The following FCHSD2 variants were observed in gnomAD, a reference collection of about 807,000 sequenced individuals.
The protein encoded by FCHSD2 is F-BAR and double SH3 domains protein 2.
Under a neutral mutation model 108.1 loss-of-function variants are expected in FCHSD2, and 38 were observed. The ratio of observed to expected loss-of-function variants is 0.35; its 90% CI spans 0.27 to 0.46. The LOEUF is 0.46. Among genes scored for constraint, FCHSD2 ranks in the 20% least tolerant of loss-of-function variants. The pLI is 1.00. For synonymous variants in FCHSD2, 279 were observed against 314.7 expected, an observed-to-expected ratio of 0.89 and a Z score of 1.20; for missense variants, 751 against 897.8, an observed-to-expected ratio of 0.84 and a Z score of 2.09.
chr11:72,931,033 C>T (rs1856178799), intron 8 of FCHSD2, among the ~76,000 whole-genome samples: 1 of 151,344 alleles, frequency 6.6e-6, no homozygotes, highest in Admixed American at 6.6e-5. Flanking sequence ...TGTATCAAAA[C>T]ATCTCATGTG....
Position 73,142,150 on chromosome 11 carries a change from A to C in FCHSD2, c.-273T>G. 2 of 267,580 alleles carry C rather than the reference A, an allele frequency of 7.5e-6. No individual in the cohort carries two copies. Among genetic ancestry groups the C allele is most frequent in the Admixed American group, 5.5e-5 (1 of 18,220 alleles). The allele number at this position is 267,580 out of a possible 1,614,324, so 16.6% of individuals were successfully genotyped here. A position where few individuals can be genotyped will look rare whatever the true frequency, so the allele number is the denominator to read the frequency against. On this transcript the variant is annotated 5_prime_UTR_variant, in exon 1 of 20. Coordinates refer to ENST00000409418, the MANE Select transcript of FCHSD2 (RefSeq NM_014824.3). ...GGGGTGTGTGAGGAAGGAGGCGGAGACGGCGAGGGGGCGGGGGCCCCAGGA... is the reference window on the plus strand; with the variant it reads ...GGGGTGTGTGAGGAAGGAGGCGGAGCCGGCGAGGGGGCGGGGGCCCCAGGA...
chr11:73,019,664 G>C (rs1292095528), intron 3 of FCHSD2, among the ~76,000 whole-genome samples: 1 of 152,142 alleles, frequency 6.6e-6, no homozygotes, highest in Non-Finnish European at 1.5e-5. Context: ...CATGACTTCT[G>C]TGTACTCCAT....
chr11:73,067,218 G>A (rs1859316653), intron 3 of FCHSD2, among the ~76,000 whole-genome samples: 1 of 152,096 alleles, frequency 6.6e-6, no homozygotes, highest in Non-Finnish European at 1.5e-5. Flanking sequence ...ATCATTCTCA[G>A]CAAACTATCA....
intron 10 of FCHSD2, among the ~76,000 whole-genome samples, chr11:72,897,053 C>T (rs894540459): frequency 1.3e-5 from 2 of 151,988 alleles, no homozygotes; most frequent in African/African-American, 4.8e-5. Flanking sequence ...GTCTCAATCT[C>T]CTGACCTCAT....
At chr11:72,920,259 A>T (rs1281459877) in intron 9 of FCHSD2, among the ~76,000 whole-genome samples, 1 of 152,248 alleles carries the variant, frequency 6.6e-6, no homozygotes, top group Admixed American at 6.5e-5. Flanking sequence ...CACACACAAT[A>T]TTAAAAACAA....
chr11:73,100,863 ATT>A (rs560641392), intron 2 of FCHSD2, among the ~76,000 whole-genome samples: 2 of 144,030 alleles, frequency 1.4e-5, no homozygotes, highest in Admixed American at 7.0e-5. Flanking sequence ...TCTACGTGGG[ATT>A]TTTTTTTTTT....
chr11:72,904,381 A>G (rs1855586858), intron 9 of FCHSD2, among the ~76,000 whole-genome samples: 1 of 152,166 alleles, frequency 6.6e-6, no homozygotes, highest in Non-Finnish European at 1.5e-5. Flanking sequence ...GGAGATTTCA[A>G]CCTTTTAAAA....
At chr11:73,016,300 C>T (rs1249963654) in intron 3 of FCHSD2, among the ~76,000 whole-genome samples, 1 of 143,518 alleles carries the variant, frequency 7.0e-6, no homozygotes, top group Non-Finnish European at 1.5e-5. Context: ...GAGGCTCTGT[C>T]TCAAAAAAAA....
intron 2 of FCHSD2, among the ~76,000 whole-genome samples, chr11:73,120,035 G>A (rs1014963845): frequency 6.6e-6 from 1 of 152,054 alleles, no homozygotes; most frequent in Non-Finnish European, 1.5e-5. Flanking sequence ...AAGAGGGAAT[G>A]AGGAAGATGC....
chr11:73,080,403 T>C (rs1481777264), intron 3 of FCHSD2, among the ~76,000 whole-genome samples: 1 of 151,314 alleles, frequency 6.6e-6, no homozygotes, highest in Non-Finnish European at 1.5e-5. Flanking sequence ...TGTACCTGCA[T>C]ACATTCATAT....
chr11:73,074,595 G>GA (rs901627404), intron 3 of FCHSD2, among the ~76,000 whole-genome samples: 4 of 151,464 alleles, frequency 2.6e-5, no homozygotes, highest in Admixed American at 1.3e-4. Flanking sequence ...GAATATAAAA[G>GA]AAAAAAAATA....
At chr11:72,874,928 G>T (rs1322165710) in intron 12 of FCHSD2, among the ~76,000 whole-genome samples, 1 of 151,960 alleles carries the variant, frequency 6.6e-6, no homozygotes, top group Non-Finnish European at 1.5e-5. Context: ...AATCATTTTT[G>T]GAAGCTTTAA....
At chr11:72,914,434 G>A (rs955536540) in intron 9 of FCHSD2, among the ~76,000 whole-genome samples, 1 of 152,034 alleles carries the variant, frequency 6.6e-6, no homozygotes, top group African/African-American at 2.4e-5. Context: ...AATAGCCAAG[G>A]CAATCCTAAG....
intron 3 of FCHSD2, among the ~76,000 whole-genome samples, chr11:73,046,774 G>A (rs1254314204): frequency 6.6e-6 from 1 of 152,070 alleles, no homozygotes; most frequent in Admixed American, 6.6e-5. Context: ...TTAAGACAGG[G>A]ATTTCACCAT....
At chr11:72,866,227 T>G (rs777468568) in intron 13 of FCHSD2, among the ~76,000 whole-genome samples, 1 of 151,140 alleles carries the variant, frequency 6.6e-6, no homozygotes. Context: ...GTAGGAGATA[T>G]TCCATGAGAT....
chr11:72,948,059 G>A (rs1342182847), intron 8 of FCHSD2, among the ~76,000 whole-genome samples: 2 of 152,178 alleles, frequency 1.3e-5, no homozygotes, highest in South Asian at 2.1e-4. Flanking sequence ...CCAGGCTGGA[G>A]TGCAGTGGTG....
intron 13 of FCHSD2, among the ~76,000 whole-genome samples, chr11:72,863,530 C>A (rs545819752): frequency 6.6e-6 from 1 of 152,102 alleles, no homozygotes; most frequent in South Asian, 2.1e-4. Context: ...AAAATTTGTG[C>A]TCTTTGAAAG....
intron 5 of FCHSD2, among the ~76,000 whole-genome samples, chr11:72,993,021 C>T (rs1857447892): frequency 6.6e-6 from 1 of 152,004 alleles, no homozygotes; most frequent in African/African-American, 2.4e-5. Flanking sequence ...TGACAAAGGG[C>T]TAATAACCAG....
At chr11:73,094,960 C>A (rs780226591) in intron 2 of FCHSD2, among the ~76,000 whole-genome samples, 5 of 152,162 alleles carry the variant, frequency 3.3e-5, no homozygotes, top group East Asian at 1.9e-4. Flanking sequence ...AATATTAATT[C>A]TCTAACATCC....
Sources: allele counts gnomAD v4.1 joint callset (sites outside exome capture counted in the v4.1 genomes callset), GRCh38; gene constraint gnomAD v4.1.1; transcripts MANE v1.5; gene names NCBI Gene and HGNC (gene_info 2026-07-23, HGNC 2026-07-21).